GPHN: variants seen among roughly 807,000 people sequenced by gnomAD.
The protein encoded by GPHN is gephyrin.
A neutral mutation model predicts 95.5 loss-of-function variants in GPHN; 17 were observed. The observed-to-expected ratio is 0.18, with a 90% CI of 0.12 to 0.27. GPHN has a LOEUF of 0.27. Among genes scored for constraint, GPHN ranks in the 10% least tolerant of loss-of-function variants. GPHN has a pLI of 1.00. For missense variants in GPHN, 660 were observed against 978.1 expected (o/e 0.67, Z 4.34); for synonymous variants, 320 against 322.5 (o/e 0.99, Z 0.08).
the GPHN span, among the ~76,000 whole-genome samples, chr14:67,602,317 G>A: frequency 1.3e-5 from 2 of 152,162 alleles, no homozygotes; most frequent in Non-Finnish European, 2.9e-5. Context: ...CCAGCATGGG[G>A]GAAATCCGTC....
intron 1 of GPHN, among the ~76,000 whole-genome samples, chr14:66,520,584 G>A (rs1454011445): frequency 6.6e-6 from 1 of 152,092 alleles, no homozygotes; most frequent in Non-Finnish European, 1.5e-5. Context: ...TATGTTGCAG[G>A]CTGACTTTCT....
intron 1 of GPHN, among the ~76,000 whole-genome samples, chr14:66,535,959 G>A (rs1013447806): frequency 2.0e-5 from 3 of 151,876 alleles, no homozygotes; most frequent in Admixed American, 2.0e-4. Flanking sequence ...TTATTGCAAT[G>A]GCCAAGGCTT....
intron 2 of GPHN, among the ~76,000 whole-genome samples, chr14:66,767,191 C>T (rs148832269): frequency 6.6e-6 from 1 of 151,922 alleles, no homozygotes; most frequent in Non-Finnish European, 1.5e-5. Context: ...GTATATAAGA[C>T]TAAAGACTTG....
At chr14:66,751,815 C>A (rs2058374807) in intron 2 of GPHN, among the ~76,000 whole-genome samples, 1 of 152,050 alleles carries the variant, frequency 6.6e-6, no homozygotes, top group South Asian at 2.1e-4. Flanking sequence ...AGAGAGTCAA[C>A]CTGTCCTGTG....
At chr14:67,460,531 C>T in the GPHN span, among the ~76,000 whole-genome samples, 3 of 152,232 alleles carry the variant, frequency 2.0e-5, no homozygotes, top group Admixed American at 6.5e-5. Context: ...AGTGAAACCC[C>T]CGTCTCTACT....
chr14:67,062,439 T>C (rs1411815130), intron 11 of GPHN, among the ~76,000 whole-genome samples: 1 of 152,244 alleles, frequency 6.6e-6, no homozygotes, highest in Non-Finnish European at 1.5e-5. Context: ...AAGGAAAATC[T>C]AGGACCAACT....
At chr14:67,732,933 G>C in the GPHN span, among the ~76,000 whole-genome samples, 2 of 152,060 alleles carry the variant, frequency 1.3e-5, no homozygotes, top group African/African-American at 4.8e-5. Context: ...TGTTTTACAG[G>C]ACTTTTATAA....
chr14:66,629,110 T>TTTTGTA (rs2063640775), intron 1 of GPHN, among the ~76,000 whole-genome samples: 1 of 137,914 alleles, frequency 7.3e-6, no homozygotes, highest in Middle Eastern at 3.3e-3. Context: ...TATATTTATA[T>TTTTGTA]ACATATATAA....
chr14:67,659,685 A>C, the GPHN span: 99 of 1,521,300 alleles, frequency 6.5e-5, no homozygotes, highest in Non-Finnish European at 8.1e-5. Context: ...TTTGTACCAC[A>C]GGCCCTTAAA....
intron 1 of GPHN, among the ~76,000 whole-genome samples, chr14:66,540,633 A>G (rs2059321517): frequency 6.6e-6 from 1 of 152,238 alleles, no homozygotes; most frequent in African/African-American, 2.4e-5. Flanking sequence ...GACATAAATT[A>G]TGAATAAGAC....
chr14:67,126,478 C>T (rs1013707106), intron 17 of GPHN, among the ~76,000 whole-genome samples: 1 of 152,022 alleles, frequency 6.6e-6, no homozygotes, highest in Non-Finnish European at 1.5e-5. Context: ...TGTGTTAATC[C>T]AAGTAGGAAA....
At chr14:67,285,016 G>C in the GPHN span, among the ~76,000 whole-genome samples, 4 of 152,112 alleles carry the variant, frequency 2.6e-5, no homozygotes, top group Admixed American at 1.3e-4. Context: ...CTTCCAAAGT[G>C]TTAGGATTAG....
chr14:67,562,730 C>T, the GPHN span: 12 of 1,613,544 alleles, frequency 7.4e-6, no homozygotes, highest in Middle Eastern at 1.6e-4. Context: ...GCTGGAGTCC[C>T]GAGCTAGGTC....
chr14:66,761,834 G>T (rs777365123), intron 2 of GPHN, among the ~76,000 whole-genome samples: 1 of 151,944 alleles, frequency 6.6e-6, no homozygotes, highest in Non-Finnish European at 1.5e-5. Flanking sequence ...TAATTTCTTT[G>T]TATTTTTAGT....
intron 3 of GPHN, among the ~76,000 whole-genome samples, chr14:66,812,991 T>C (rs1465666225): frequency 1.3e-5 from 2 of 152,214 alleles, no homozygotes; most frequent in Non-Finnish European, 2.9e-5. Context: ...TTATACAGTA[T>C]CAATTTAATA....
At chr14:67,642,096 C>A in the GPHN span, 1 of 1,247,802 alleles carries the variant, frequency 8.0e-7, no homozygotes, top group Non-Finnish European at 1.1e-6. Flanking sequence ...ATGATGTGTA[C>A]TTTGTCACGT....
chr14:67,026,797 C>G (rs974325229), intron 10 of GPHN, among the ~76,000 whole-genome samples: 19 of 152,170 alleles, frequency 1.2e-4, no homozygotes, highest in Admixed American at 3.9e-4. Context: ...TGCCCGCCAC[C>G]TCGCCCGGCT....
chr14:66,945,544 G>T (rs2067698285), intron 8 of GPHN, among the ~76,000 whole-genome samples: 1 of 151,968 alleles, frequency 6.6e-6, no homozygotes, highest in African/African-American at 2.4e-5. Flanking sequence ...TCAGGTGATG[G>T]GTACACCGGA....
At chr14:66,986,086 A>G (rs1458573830) in intron 9 of GPHN, among the ~76,000 whole-genome samples, 2 of 151,556 alleles carry the variant, frequency 1.3e-5, no homozygotes, top group African/African-American at 4.9e-5. Context: ...GAGAACTAAC[A>G]TTTATTTTCA....
Sources: gnomAD v4.1 joint callset for allele counts (sites outside exome capture counted in the v4.1 genomes callset) on GRCh38, gnomAD v4.1.1 for gene constraint, MANE v1.5 for transcripts, NCBI Gene and HGNC (gene_info 2026-07-23, HGNC 2026-07-21) for gene names.